The following LRRC72 variants were observed in gnomAD, a reference collection of about 807,000 sequenced individuals.
LRRC72 encodes leucine rich repeat containing 72, also known as leucine-rich repeat-containing protein 72.
In LRRC72, 41 loss-of-function variants were observed where a neutral mutation model predicts 35.8. That is an observed-to-expected ratio of 1.15 (90% CI 0.89 to 1.49). The LOEUF (loss-of-function observed/expected upper bound fraction) is 1.49, where lower values mean the gene tolerates loss of function less well. Ranked by LOEUF, LRRC72 falls within the 40% of genes most tolerant of loss-of-function variation. The pLI, the probability that LRRC72 is intolerant of heterozygous loss-of-function variation, is 0.00. For synonymous variants in LRRC72, 118 were observed against 119.2 expected (o/e 0.99, Z 0.07); for missense variants, 389 against 330.7 (o/e 1.18, Z -1.37).
intron 3 of LRRC72, among the ~76,000 whole-genome samples, chr7:16,544,398 A>C (rs969603176): frequency 6.6e-6 from 1 of 152,140 alleles, no homozygotes; most frequent in Non-Finnish European, 1.5e-5. Context: ...TTCATATTGC[A>C]TAGATATTCA....
At chr7:16,557,468 A>C (rs778851393) in intron 4 of LRRC72, 27 bp downstream of exon 4, 1 of 965,106 alleles carries the variant, frequency 1.0e-6, no homozygotes, top group South Asian at 3.6e-5. Context: ...CTGTTGATTT[A>C]ATAAATTTTC....
At chr7:16,531,995 C>T (rs1782173707) in intron 1 of LRRC72, among the ~76,000 whole-genome samples, 1 of 152,112 alleles carries the variant, frequency 6.6e-6, no homozygotes, top group Non-Finnish European at 1.5e-5. Flanking sequence ...TCATTCATTT[C>T]ACATTTTCTG....
chr7:16,575,828 A>G (rs1341069208), intron 7 of LRRC72, among the ~76,000 whole-genome samples: 1 of 152,184 alleles, frequency 6.6e-6, no homozygotes, highest in Non-Finnish European at 1.5e-5. Flanking sequence ...GCGAATGCAC[A>G]CAATAACAAA....
chr7:16,556,975 T>C (rs571631711), intron 3 of LRRC72, among the ~76,000 whole-genome samples: 87 of 152,274 alleles, frequency 5.7e-4, no homozygotes, highest in Non-Finnish European at 9.8e-4. Context: ...GGAGAGCCCT[T>C]GGCACATGAT....
At chr7:16,577,086 A>G (rs1783055365) in intron 7 of LRRC72, among the ~76,000 whole-genome samples, 2 of 152,212 alleles carry the variant, frequency 1.3e-5, no homozygotes, top group Non-Finnish European at 2.9e-5. Context: ...TATCAGGCAC[A>G]CCCAGAAGAG....
At chr7:16,553,290 C>G (rs518011) in intron 3 of LRRC72, among the ~76,000 whole-genome samples, 1 of 152,006 alleles carries the variant, frequency 6.6e-6, no homozygotes, top group East Asian at 1.9e-4. Flanking sequence ...GATGTAATAT[C>G]TGCCAATCTT....
intron 3 of LRRC72, among the ~76,000 whole-genome samples, chr7:16,551,576 T>A (rs1372516064): frequency 2.0e-5 from 3 of 152,094 alleles, no homozygotes; most frequent in Non-Finnish European, 4.4e-5. Flanking sequence ...AATGATTTAA[T>A]CAATTATGCC....
At chr7:16,550,759 C>T (rs1325476327) in intron 3 of LRRC72, among the ~76,000 whole-genome samples, 1 of 152,168 alleles carries the variant, frequency 6.6e-6, no homozygotes, top group East Asian at 1.9e-4. Context: ...CTTTCCTGCC[C>T]TCACTTCTAC....
intron 2 of LRRC72, among the ~76,000 whole-genome samples, chr7:16,536,397 G>C (rs757025584): frequency 6.6e-6 from 1 of 151,820 alleles, no homozygotes; most frequent in Non-Finnish European, 1.5e-5. Context: ...GGATGGTATG[G>C]TGGTTGCACA....
chr7:16,545,567 A>T (rs551400451), intron 3 of LRRC72, among the ~76,000 whole-genome samples: 1 of 152,318 alleles, frequency 6.6e-6, no homozygotes, highest in South Asian at 2.1e-4. Flanking sequence ...TATTTAGAGC[A>T]GTACAAACTC....
chr7:16,580,471 T>C (rs1783121402), intron 8 of LRRC72, among the ~76,000 whole-genome samples: 1 of 152,066 alleles, frequency 6.6e-6, no homozygotes, highest in Non-Finnish European at 1.5e-5. Flanking sequence ...GGTGAAAACC[T>C]GCCTCTACTA....
At chr7:16,564,554 A>G (rs1193547659) in intron 5 of LRRC72, among the ~76,000 whole-genome samples, 1 of 151,222 alleles carries the variant, frequency 6.6e-6, no homozygotes, top group Non-Finnish European at 1.5e-5. Context: ...TTTCTCCATT[A>G]CTTACATATT....
intron 5 of LRRC72, among the ~76,000 whole-genome samples, chr7:16,565,922 G>A (rs1782830327): frequency 6.6e-6 from 1 of 152,210 alleles, no homozygotes; most frequent in Non-Finnish European, 1.5e-5. Flanking sequence ...GAGACTGAAA[G>A]AAGAGTACCA....
chr7:16,537,761 T>C (rs746079302), intron 3 of LRRC72, 65 bp downstream of exon 3: 506 of 933,576 alleles, frequency 5.4e-4, no homozygotes, highest in Non-Finnish European at 7.5e-4. Context: ...GTATTCCTAA[T>C]AGAGCTAATC....
intron 3 of LRRC72, among the ~76,000 whole-genome samples, chr7:16,556,558 C>G (rs1176718498): frequency 6.6e-6 from 1 of 152,172 alleles, no homozygotes; most frequent in Non-Finnish European, 1.5e-5. Context: ...AGAGCTGCCT[C>G]CTGTGTGTAT....
intron 1 of LRRC72, among the ~76,000 whole-genome samples, chr7:16,528,993 G>T: frequency 6.6e-6 from 1 of 152,054 alleles, no homozygotes; most frequent in East Asian, 1.9e-4. Context: ...CAGTTACTTA[G>T]AATATATATT....
intron 3 of LRRC72, among the ~76,000 whole-genome samples, chr7:16,543,200 T>C (rs905618784): frequency 1.3e-5 from 2 of 152,228 alleles, no homozygotes; most frequent in Non-Finnish European, 2.9e-5. Flanking sequence ...TATACTAGCT[T>C]GACCACTAAG....
intron 3 of LRRC72, among the ~76,000 whole-genome samples, chr7:16,549,445 C>G (rs1006830629): frequency 6.6e-6 from 1 of 152,204 alleles, no homozygotes; most frequent in Non-Finnish European, 1.5e-5. Flanking sequence ...TCCACAAACA[C>G]TGTTTGTGGA....
At chr7:16,548,588 G>A (rs138972656) in intron 3 of LRRC72, among the ~76,000 whole-genome samples, 2 of 152,214 alleles carry the variant, frequency 1.3e-5, no homozygotes, top group Non-Finnish European at 2.9e-5. Flanking sequence ...ACAGGAAGCT[G>A]GTGCCCATGC....
Sources: gnomAD v4.1 joint callset for allele counts (sites outside exome capture counted in the v4.1 genomes callset) on GRCh38, gnomAD v4.1.1 for gene constraint, MANE v1.5 for transcripts, NCBI Gene and HGNC (gene_info 2026-07-23, HGNC 2026-07-21) for gene names.